AJAP1: variants seen among roughly 807,000 people sequenced by gnomAD.
AJAP1 encodes the protein adherens junction-associated protein 1.
In AJAP1, 5 loss-of-function variants were observed where a neutral mutation model predicts 35.0. The observed-to-expected ratio is 0.14, with a 90% confidence interval of 0.07 to 0.30. The LOEUF (loss-of-function observed/expected upper bound fraction) is 0.30, where lower values mean the gene tolerates loss of function less well. Among genes scored for constraint, AJAP1 ranks in the 10% least tolerant of loss-of-function variants. The probability of loss-of-function intolerance (pLI) is 1.00; values close to 1 mark genes in which losing one functional copy is unlikely to be tolerated. For missense variants in AJAP1, 586 were observed against 571.0 expected, an observed-to-expected ratio of 1.03 and a Z score of -0.27; for synonymous variants, 284 against 249.3, an observed-to-expected ratio of 1.14 and a Z score of -1.31.
chr1:4,713,179 C>T (rs1640306970), intron 2 of AJAP1, among the ~76,000 whole-genome samples: 1 of 152,198 alleles, frequency 6.6e-6, no homozygotes, highest in South Asian at 2.1e-4. Context: ...TGGACGGGGG[C>T]AGGGTGCCTG....
chr1:4,749,317 C>A (rs1244892108), intron 2 of AJAP1, among the ~76,000 whole-genome samples: 1 of 152,146 alleles, frequency 6.6e-6, no homozygotes, highest in African/African-American at 2.4e-5. Flanking sequence ...TGAATACCTC[C>A]CCTTGCAGAA....
intron 5 of AJAP1, among the ~76,000 whole-genome samples, chr1:4,777,998 C>A (rs115469596): frequency 6.6e-6 from 1 of 152,312 alleles, no homozygotes; most frequent in African/African-American, 2.4e-5. Context: ...CCGGGGACAC[C>A]TGGCGGTAGC....
chr1:4,711,671 C>CG (rs1460532675), intron 1 of AJAP1, among the ~76,000 whole-genome samples: 1 of 152,208 alleles, frequency 6.6e-6, no homozygotes, highest in East Asian at 1.9e-4. Context: ...CCCGCGGTGC[C>CG]GGGAAGCAGC....
intron 2 of AJAP1, among the ~76,000 whole-genome samples, chr1:4,722,942 T>C (rs1640555652): frequency 6.6e-6 from 1 of 152,120 alleles, no homozygotes; most frequent in South Asian, 2.1e-4. Flanking sequence ...GGGTTTATTC[T>C]GAGTATGCTG....
chr1:4,718,603 C>G (rs1452954109), intron 2 of AJAP1, among the ~76,000 whole-genome samples: 1 of 152,006 alleles, frequency 6.6e-6, no homozygotes, highest in Non-Finnish European at 1.5e-5. Context: ...CTGCCTCAGC[C>G]TCCTAAGTAG....
intron 1 of AJAP1, among the ~76,000 whole-genome samples, chr1:4,688,793 AGAAAG>A (rs1639667151): frequency 6.8e-6 from 1 of 146,940 alleles, no homozygotes; most frequent in African/African-American, 2.5e-5. Flanking sequence ...AAAAAAAAAA[AGAAAG>A]GATCGTGATG....
At chr1:4,697,403 T>C (rs1639888875) in intron 1 of AJAP1, among the ~76,000 whole-genome samples, 2 of 152,272 alleles carry the variant, frequency 1.3e-5, no homozygotes, top group African/African-American at 4.8e-5. Flanking sequence ...GGCCAGCATT[T>C]TTCAGTGGTT....
At chr1:4,729,326 C>T (rs1477400590) in intron 2 of AJAP1, among the ~76,000 whole-genome samples, 1 of 152,190 alleles carries the variant, frequency 6.6e-6, no homozygotes, top group East Asian at 1.9e-4. Flanking sequence ...AGACCTGGGG[C>T]CTGGGGGTCC....
At chr1:4,689,573 C>T (rs1262183851) in intron 1 of AJAP1, among the ~76,000 whole-genome samples, 1 of 152,206 alleles carries the variant, frequency 6.6e-6, no homozygotes, top group East Asian at 1.9e-4. Flanking sequence ...ATGGGGGTGC[C>T]TGGATGGCCT....
chr1:4,739,266 C>A (rs1641001754), intron 2 of AJAP1, among the ~76,000 whole-genome samples: 1 of 152,192 alleles, frequency 6.6e-6, no homozygotes, highest in Admixed American at 6.5e-5. Flanking sequence ...TGCAAACCTG[C>A]GTAATAATTC....
intron 1 of AJAP1, among the ~76,000 whole-genome samples, chr1:4,710,331 G>A (rs933769841): frequency 2.0e-5 from 3 of 151,814 alleles, no homozygotes; most frequent in Non-Finnish European, 2.9e-5. Context: ...CCTCACTCAC[G>A]CACAGTCTCT....
intron 2 of AJAP1, among the ~76,000 whole-genome samples, chr1:4,743,576 G>A (rs648346): frequency 0.33 from 50,669 of 151,996 alleles, 8,823 homozygotes; most frequent in Middle Eastern, 0.41. Context: ...CCATCCGCCC[G>A]ACAGCAGGCC....
chr1:4,711,669 G>GC (rs1222690925), intron 1 of AJAP1, among the ~76,000 whole-genome samples: 1 of 152,224 alleles, frequency 6.6e-6, no homozygotes, highest in Non-Finnish European at 1.5e-5. Flanking sequence ...GCCCCGCGGT[G>GC]CCGGGAAGCA....
chr1:4,668,248 T>G (rs900005396), intron 1 of AJAP1, among the ~76,000 whole-genome samples: 1 of 151,946 alleles, frequency 6.6e-6, no homozygotes, highest in Admixed American at 6.6e-5. Context: ...GCAACTTTCT[T>G]CCTCCTTGTG....
At position 4,770,178 on chromosome 1, in the gene AJAP1, G is replaced by A. The variant is rs189453469; in HGVS notation, c.917+238G>A. ...TTTGTGACAGAGCTTCTCAGGGTGC[G>A]TGTGGTCCTGGGTTCCAGATTCTTT... is the stretch of plus-strand genomic sequence containing the variant. On this transcript the variant is annotated intron_variant, in intron 3 of 5. Transcript: ENST00000378191. 4.6e-3 allele frequency among the ~76,000 whole-genome samples: 701 copies of A among 152,276 alleles called. 3 individuals carry two copies. The highest frequency in any genetic ancestry group is 0.014 in the African/African-American group (582 of 41,570).
chr1:4,658,183 C>T (rs1317989277), intron 1 of AJAP1, among the ~76,000 whole-genome samples: 1 of 152,158 alleles, frequency 6.6e-6, no homozygotes, highest in Non-Finnish European at 1.5e-5. Flanking sequence ...TGCTGGGTTG[C>T]GCTCAGGACT....
At chr1:4,740,080 C>T (rs1018141697) in intron 2 of AJAP1, among the ~76,000 whole-genome samples, 3 of 152,160 alleles carry the variant, frequency 2.0e-5, no homozygotes, top group East Asian at 1.9e-4. Flanking sequence ...TTCACAGCAG[C>T]GTTATTTACA....
At chr1:4,662,210 C>T (rs1639014753) in intron 1 of AJAP1, among the ~76,000 whole-genome samples, 1 of 152,162 alleles carries the variant, frequency 6.6e-6, no homozygotes, top group South Asian at 2.1e-4. Context: ...GGTTGCTTCA[C>T]CCCTGATAAG....
intron 1 of AJAP1, among the ~76,000 whole-genome samples, chr1:4,677,306 A>G (rs540789850): frequency 6.6e-6 from 1 of 152,306 alleles, no homozygotes; most frequent in African/African-American, 2.4e-5. Context: ...GGTGGGCTGC[A>G]GTTGCCTGCA....
Sources: gnomAD v4.1 joint callset for allele counts (sites outside exome capture counted in the v4.1 genomes callset) on GRCh38, gnomAD v4.1.1 for gene constraint, MANE v1.5 for transcripts, NCBI Gene and HGNC (gene_info 2026-07-23, HGNC 2026-07-21) for gene names.